Variants in SMCHD1 observed in about 807,000 individuals in gnomAD.
The protein encoded by SMCHD1 is structural maintenance of chromosomes flexible hinge domain containing 1, also known as structural maintenance of chromosomes flexible hinge domain-containing protein 1.
Under a neutral mutation model 254.7 loss-of-function variants are expected in SMCHD1, and 78 were observed. The observed-to-expected ratio is 0.31, with a 90% CI of 0.26 to 0.37. The LOEUF (loss-of-function observed/expected upper bound fraction) is 0.37, where lower values mean the gene tolerates loss of function less well. Ranked by LOEUF, SMCHD1 falls within the 10% of genes least tolerant of loss-of-function variation. The pLI, the probability that SMCHD1 is intolerant of heterozygous loss-of-function variation, is 1.00. For missense variants in SMCHD1, 1,840 were observed against 2,408.1 expected, an observed-to-expected ratio of 0.76 and a Z score of 4.94; for synonymous variants, 766 against 794.9, an observed-to-expected ratio of 0.96 and a Z score of 0.61.
chr18:2,722,690 G>A, intron 20 of SMCHD1, 27 bp downstream of exon 20: 1 of 1,567,904 alleles, frequency 6.4e-7, no homozygotes, highest in Non-Finnish European at 8.6e-7. Context: ...ATATGTATTT[G>A]TCCTTTGATA....
At chr18:2,727,133 C>G (rs1442480953) in intron 22 of SMCHD1, 2 of 152,308 alleles carry the variant, frequency 1.3e-5, no homozygotes, top group African/African-American at 4.8e-5. Context: ...TAGTCCTTGC[C>G]TTGCACAGTT....
At chr18:2,746,056 T>C (rs751356494) in intron 29 of SMCHD1, among the ~76,000 whole-genome samples, 3 of 152,186 alleles carry the variant, frequency 2.0e-5, no homozygotes, top group African/African-American at 4.8e-5. Context: ...GTGCAGTGGC[T>C]CATGCCTTGT....
At chr18:2,686,124 C>T (rs1387340937) in intron 5 of SMCHD1, among the ~76,000 whole-genome samples, 1 of 152,100 alleles carries the variant, frequency 6.6e-6, no homozygotes, top group Non-Finnish European at 1.5e-5. Context: ...TAGGCTCTCT[C>T]TCTTCCCCCC....
At chr18:2,774,688 G>A (rs1244524651) in intron 41 of SMCHD1, among the ~76,000 whole-genome samples, 3 of 152,154 alleles carry the variant, frequency 2.0e-5, no homozygotes, top group Non-Finnish European at 4.4e-5. Flanking sequence ...TAGTAATACA[G>A]TCTTGGGTCA....
In SMCHD1 at chr18:2,738,436, C is replaced by G. The variant is rs756532473; in HGVS notation, c.3316C>G (p.Gln1106Glu). 9.9e-6 allele frequency: 16 copies of G among 1,609,736 alleles called. No homozygotes were observed. Among genetic ancestry groups the G allele is most frequent in the Non-Finnish European group, 1.3e-5 (15 of 1,177,796 alleles). ...TGAGATTAACAAAGAACACTTGCTACAGGGTCTGCTTCCTGATGTGCAAGT... is the reference window on the plus strand; with the variant it reads ...TGAGATTAACAAAGAACACTTGCTAGAGGGTCTGCTTCCTGATGTGCAAGT... Reference protein sequence around the residue: ...TPEINKEHLLQGLLPDVQVPT... With the variant: ...TPEINKEHLLEGLLPDVQVPT... The change falls in exon 26 of 48, where the codon CAG (glutamine) becomes GAG (glutamate). Residue 1106 changes from glutamine to glutamate, a missense_variant. Transcript: ENST00000320876.
intron 45 of SMCHD1, chr18:2,784,952 A>G: frequency 2.6e-6 from 1 of 384,886 alleles, no homozygotes. Flanking sequence ...TCTCTTAAAA[A>G]AAAAAAAAGA....
At chr18:2,694,460 GC>G in intron 7 of SMCHD1, 66 bp from the exon 8 acceptor site, 1 of 1,265,570 alleles carries the variant, frequency 7.9e-7, no homozygotes, top group Non-Finnish European at 1.1e-6. Flanking sequence ...AAAATTTGAT[GC>G]AATAGCTATT....
intron 42 of SMCHD1, among the ~76,000 whole-genome samples, chr18:2,777,327 C>G (rs2076084776): frequency 6.6e-6 from 1 of 152,218 alleles, no homozygotes; most frequent in South Asian, 2.1e-4. Flanking sequence ...ACTACCATCT[C>G]TGAAATTCCA....
At chr18:2,770,730 C>T (rs756989378) in intron 39 of SMCHD1, among the ~76,000 whole-genome samples, 11 of 152,114 alleles carry the variant, frequency 7.2e-5, no homozygotes, top group Admixed American at 3.9e-4. Flanking sequence ...AAGTGATTCT[C>T]GTGCCTCAGC....
At chr18:2,680,651 G>C (rs8084481) in intron 5 of SMCHD1, among the ~76,000 whole-genome samples, 30,912 of 152,084 alleles carry the variant, frequency 0.2, 3,371 homozygotes, top group South Asian at 0.33. Context: ...GTTTAGTTCT[G>C]CACGTGGAAA....
chr18:2,752,449 AT>A, intron 33 of SMCHD1, 38 bp from the exon 34 acceptor site: 1 of 1,427,818 alleles, frequency 7.0e-7, no homozygotes, highest in East Asian at 2.3e-5. Context: ...AAATTTTGTC[AT>A]TTTCCCCTCT....
At chr18:2,787,810 T>C (rs933043574) in intron 45 of SMCHD1, among the ~76,000 whole-genome samples, 2 of 152,238 alleles carry the variant, frequency 1.3e-5, no homozygotes, top group Admixed American at 1.3e-4. Flanking sequence ...AAAGTACTTT[T>C]GATTGTAAGC....
intron 24 of SMCHD1, among the ~76,000 whole-genome samples, chr18:2,731,738 G>A (rs9964888): frequency 3.3e-5 from 5 of 152,110 alleles, no homozygotes; most frequent in East Asian, 1.9e-4. Flanking sequence ...GGGACCGGGC[G>A]CAGTGGCTGA....
In SMCHD1 at chr18:2,804,771, C is replaced by T. The variant is rs372181904; in HGVS notation, c.*2219C>T. The T allele has an allele frequency of 2.0e-5, 3 of 152,010 alleles. No individual in the cohort carries two copies. The highest frequency in any genetic ancestry group is 3.8e-4 in the East Asian group (2 of 5,198). The allele number at this position is 152,010 out of a possible 1,614,324, so 9.4% of individuals were successfully genotyped here. The stretch of plus-strand genomic sequence containing the variant: ...TTGCTTTTGTGTTTAATATGTAACA[C>T]GTAAGAACAATTGAAATTTTCTTCT... On this transcript the variant is annotated 3_prime_UTR_variant, in exon 48 of 48. Transcript: ENST00000320876.
chr18:2,759,543 TGGAAGCAGAAGTCCGTTTTAATTCTCTC>T (rs1568326767), intron 34 of SMCHD1, among the ~76,000 whole-genome samples: 4 of 128,114 alleles, frequency 3.1e-5, no homozygotes, highest in Non-Finnish European at 4.8e-5. Context: ...GCCTGCCATT[TGGAAGCAGAAGTCCGTTTTAATTCTCTC>T]TTTTTTTTTT....
At chr18:2,743,956 GAATTT>G in intron 29 of SMCHD1, 28 bp downstream of exon 29, 1 of 1,549,282 alleles carries the variant, frequency 6.5e-7, no homozygotes, top group Non-Finnish European at 8.8e-7. Flanking sequence ...TTCACTGAAA[GAATTT>G]AATATCATAT....
chr18:2,796,473 G>A lies in SMCHD1; in HGVS notation c.5945G>A (p.Cys1982Tyr), dbSNP rs1302468965. Reference protein sequence around the residue: ...RHSPKVETTDCPVPPKRMRRE... With the variant: ...RHSPKVETTDYPVPPKRMRRE... ...TCACCAAAGGTTGAGACGACAGATT[G>A]TCCAGTTCCTCCTAAAAGAATGAGA... is the stretch of plus-strand genomic sequence containing the variant. Residue 1982 changes from cysteine to tyrosine, a missense_variant, in exon 47 of 48, where the codon TGT (cysteine) becomes TAT (tyrosine). Coordinates refer to ENST00000320876, the MANE Select transcript of SMCHD1 (RefSeq NM_015295.3). The A allele has an allele frequency of 6.2e-7, 1 of 1,605,256 alleles. No homozygotes were observed. Among genetic ancestry groups the A allele is most frequent in the Non-Finnish European group, 8.5e-7 (1 of 1,175,806 alleles).
intron 17 of SMCHD1, among the ~76,000 whole-genome samples, chr18:2,717,600 C>G (rs961841376): frequency 2.0e-5 from 3 of 152,198 alleles, no homozygotes; most frequent in African/African-American, 7.2e-5. Flanking sequence ...CAGGCATGAG[C>G]CACCACGCTG....
chr18:2,658,982 CTATT>C (rs1337012727), intron 1 of SMCHD1, among the ~76,000 whole-genome samples: 4 of 151,940 alleles, frequency 2.6e-5, no homozygotes, highest in South Asian at 2.1e-4. Context: ...CTACTCCACA[CTATT>C]TATTAGAACC....
Sources: allele counts gnomAD v4.1 joint callset (sites outside exome capture counted in the v4.1 genomes callset), GRCh38; gene constraint gnomAD v4.1.1; transcripts MANE v1.5; gene names NCBI Gene and HGNC (gene_info 2026-07-23, HGNC 2026-07-21).